R3HCC1L: variants seen among roughly 807,000 people sequenced by gnomAD.
R3HCC1L encodes the protein R3H domain and coiled-coil containing 1 like.
A neutral mutation model predicts 59.9 loss-of-function variants in R3HCC1L; 51 were observed. That is an observed-to-expected ratio of 0.85 (90% CI 0.68 to 1.07). R3HCC1L has a LOEUF of 1.07. Ranked by LOEUF, R3HCC1L falls within the 50% of genes least tolerant of loss-of-function variation. R3HCC1L has a pLI of 0.00. For missense variants in R3HCC1L, 965 were observed against 933.0 expected (o/e 1.03, Z -0.45); for synonymous variants, 322 against 315.2 (o/e 1.02, Z -0.23).
At chr10:98,154,615 C>T (rs1846655737) in intron 1 of R3HCC1L, among the ~76,000 whole-genome samples, 1 of 149,782 alleles carries the variant, frequency 6.7e-6, no homozygotes. Context: ...CCACACCTTG[C>T]TGCTGGAGAG....
At chr10:98,179,641 C>G (rs1001269511) in intron 4 of R3HCC1L, among the ~76,000 whole-genome samples, 2 of 152,212 alleles carry the variant, frequency 1.3e-5, no homozygotes, top group African/African-American at 4.8e-5. Context: ...AGGAATGGTA[C>G]CAGCTCCCCT....
intron 4 of R3HCC1L, among the ~76,000 whole-genome samples, chr10:98,167,136 T>C (rs1848031689): frequency 6.6e-6 from 1 of 152,200 alleles, no homozygotes; most frequent in African/African-American, 2.4e-5. Context: ...TCAGTTTAAA[T>C]ACCTGAGCCA....
At chr10:98,175,017 T>C (rs1018518528) in intron 4 of R3HCC1L, among the ~76,000 whole-genome samples, 1 of 152,110 alleles carries the variant, frequency 6.6e-6, no homozygotes, top group African/African-American at 2.4e-5. Context: ...TTCGGTTATA[T>C]ATGGAAGAGA....
At position 98,236,017 on chromosome 10, in the gene R3HCC1L, G is replaced by A. The variant is rs748662757; in HGVS notation, c.2129-7G>A. ...TCCTTCCTACTCCCTTCCTTTCTTC[G>A]ATTCAGAGTTCCTCCAGCCAGCAAA... On this transcript the variant is annotated splice_region_variant and splice_polypyrimidine_tract_variant and intron_variant, in intron 8 of 9. Transcript: ENST00000298999. The A allele has an allele frequency of 1.5e-5, 24 of 1,611,616 alleles. No homozygotes were observed. In the South Asian group the frequency reaches 2.4e-4, roughly 16 times the overall value.
intron 1 of R3HCC1L, among the ~76,000 whole-genome samples, chr10:98,152,334 C>A (rs1306343418): frequency 6.6e-6 from 1 of 151,926 alleles, no homozygotes; most frequent in Non-Finnish European, 1.5e-5. Flanking sequence ...CTGCCTTGGC[C>A]TCCCAAAGTG....
chr10:98,177,000 C>T (rs942183634), intron 4 of R3HCC1L, among the ~76,000 whole-genome samples: 5 of 151,856 alleles, frequency 3.3e-5, no homozygotes, highest in Admixed American at 6.6e-5. Context: ...TGGCGAATTA[C>T]ATTTTGCCTG....
At chr10:98,153,609 T>TAAAAAAA (rs1160637755) in intron 1 of R3HCC1L, among the ~76,000 whole-genome samples, 3 of 81,006 alleles carry the variant, frequency 3.7e-5, no homozygotes, top group East Asian at 3.1e-4. Flanking sequence ...AATGATCAAT[T>TAAAAAAA]AAAAAAAAAA....
intron 5 of R3HCC1L, among the ~76,000 whole-genome samples, chr10:98,220,043 T>C (rs950291327): frequency 5.3e-5 from 8 of 152,184 alleles, no homozygotes; most frequent in Non-Finnish European, 7.3e-5. Context: ...ATGTCCCTCA[T>C]TTCATGTAGG....
chr10:98,213,977 C>T (rs930161633), intron 5 of R3HCC1L, among the ~76,000 whole-genome samples: 2 of 152,058 alleles, frequency 1.3e-5, no homozygotes, highest in African/African-American at 4.8e-5. Context: ...TTTTATTGTT[C>T]AATCCATTAG....
At chr10:98,216,460 G>T (rs938008598) in intron 5 of R3HCC1L, among the ~76,000 whole-genome samples, 1 of 152,198 alleles carries the variant, frequency 6.6e-6, no homozygotes, top group Non-Finnish European at 1.5e-5. Flanking sequence ...GCTGCAGTGA[G>T]CCAAGTCATA....
rs778319816 is a variant in R3HCC1L at position 98,134,705 on chromosome 10, C to G, written c.-269C>G. 7 of 152,276 alleles carry G rather than the reference C, an allele frequency of 4.6e-5. No homozygotes were observed. Among genetic ancestry groups the G allele is most frequent in the Non-Finnish European group, 7.3e-5 (5 of 68,082 alleles). 9.4% of individuals were successfully genotyped at this position (152,276 alleles called of 1,614,324 possible). On this transcript the variant is annotated splice_region_variant and 5_prime_UTR_variant, in exon 1 of 10. Coordinates refer to ENST00000298999, the MANE Select transcript of R3HCC1L (RefSeq NM_001351015.2). ...GCGGAAGCGGAGAGCAACAGCGCGC[C>G]GGTAACAACCAGCCCCGTATCCCCT...
At chr10:98,151,169 A>T (rs149906581) in intron 1 of R3HCC1L, among the ~76,000 whole-genome samples, 8 of 152,052 alleles carry the variant, frequency 5.3e-5, no homozygotes, top group African/African-American at 1.9e-4. Context: ...TTGGTTTTCT[A>T]TGGGGCAGTT....
chr10:98,216,247 C>A (rs1002834390), intron 5 of R3HCC1L, among the ~76,000 whole-genome samples: 6 of 152,216 alleles, frequency 3.9e-5, no homozygotes, highest in Middle Eastern at 3.4e-3. Context: ...AGCAGGGTGG[C>A]TCACACCTGT....
intron 4 of R3HCC1L, among the ~76,000 whole-genome samples, chr10:98,184,873 T>C (rs546979122): frequency 6.6e-6 from 1 of 152,306 alleles, no homozygotes; most frequent in Admixed American, 6.5e-5. Flanking sequence ...CAAGTTCTTA[T>C]TGGCTTGTAT....
intron 4 of R3HCC1L, among the ~76,000 whole-genome samples, chr10:98,172,537 A>G (rs1848616712): frequency 6.6e-6 from 1 of 152,192 alleles, no homozygotes. Context: ...GAGAAAGTAG[A>G]AAGAGGGCTA....
At chr10:98,135,994 A>G (rs1844539960) in intron 1 of R3HCC1L, among the ~76,000 whole-genome samples, 1 of 151,202 alleles carries the variant, frequency 6.6e-6, no homozygotes, top group African/African-American at 2.4e-5. Flanking sequence ...TTCCCCTTAC[A>G]GAGAATGCTA....
intron 5 of R3HCC1L, among the ~76,000 whole-genome samples, chr10:98,226,912 A>G (rs1429228537): frequency 1.3e-5 from 2 of 152,188 alleles, no homozygotes; most frequent in African/African-American, 2.4e-5. Context: ...TTTGGGAGAG[A>G]CTTGTCATTG....
At chr10:98,147,750 T>G (rs1166350842) in intron 1 of R3HCC1L, among the ~76,000 whole-genome samples, 3 of 152,318 alleles carry the variant, frequency 2.0e-5, no homozygotes, top group South Asian at 2.1e-4. Flanking sequence ...GATTCTCTAT[T>G]TTGTCCCATT....
At chr10:98,167,233 G>A (rs1303842888) in intron 4 of R3HCC1L, among the ~76,000 whole-genome samples, 1 of 152,138 alleles carries the variant, frequency 6.6e-6, no homozygotes, top group African/African-American at 2.4e-5. Flanking sequence ...TTGCTTTGAA[G>A]ATTTTACTGT....
Sources: allele counts gnomAD v4.1 joint callset (sites outside exome capture counted in the v4.1 genomes callset), GRCh38; gene constraint gnomAD v4.1.1; transcripts MANE v1.5; gene names NCBI Gene and HGNC (gene_info 2026-07-23, HGNC 2026-07-21).